CSH2: variants seen among roughly 807,000 people sequenced by gnomAD.
CSH2 encodes chorionic somatomammotropin hormone 2, also known as choriomammotropin.
Under a neutral mutation model 22.7 loss-of-function variants are expected in CSH2, and 10 were observed. The observed-to-expected ratio is 0.44, with a 90% CI of 0.27 to 0.75. The LOEUF is 0.75. Among genes scored for constraint, CSH2 ranks in the 30% least tolerant of loss-of-function variants. CSH2 has a pLI of 0.16. For synonymous variants in CSH2, 64 were observed against 115.0 expected (o/e 0.56, Z 2.84); for missense variants, 161 against 271.0 (o/e 0.59, Z 2.85).
In CSH2 at chr17:63,872,230, T is replaced by A. The variant is rs1905127272; in HGVS notation, c.550A>T (p.Lys184Ter). The change falls in exon 5 of 5, where the codon AAG (lysine) becomes TAG (stop). Residue 184 changes from lysine to a stop codon, truncating the protein, a stop_gained. Transcript: ENST00000392886. LOFTEE classifies it high-confidence loss of function. ...AAGCAGTAGAGCAGCCCGTAGTTCT[T>A]GAGCAGTGCGTCATGGTTGTGTGAG... ...TNSHNHDALL[K>*]NYGLLYCFRK... 1 of 1,614,052 alleles carries A rather than the reference T, an allele frequency of 6.2e-7. No individual in the cohort carries two copies. Among genetic ancestry groups the A allele is most frequent in the African/African-American group, 1.3e-5 (1 of 75,040 alleles).
intron 4 of CSH2, 127 bp from the exon 5 acceptor site, chr17:63,872,450 A>G (rs1197279698): frequency 6.2e-7 from 1 of 1,613,858 alleles, no homozygotes; most frequent in Admixed American, 1.7e-5. Flanking sequence ...ACCAGGCGAA[A>G]TGAAGAATAA....
At position 63,872,759 on chromosome 17, in the gene CSH2, G is replaced by T. The variant is rs770150919; in HGVS notation, c.292-18C>A. The T allele has an allele frequency of 6.6e-7, 1 of 1,513,296 alleles. No individual in the cohort carries two copies. Among genetic ancestry groups the T allele is most frequent in the Admixed American group, 2.1e-5 (1 of 48,314 alleles). 93.7% of individuals were successfully genotyped at this position (1,513,296 alleles called of 1,614,324 possible). A position where few individuals can be genotyped will look rare whatever the true frequency, so the allele number is the denominator to read the frequency against. ...TCTAGATTCTGCAGGGGAAGGACCGGCAGTGGCTGTGCTGCCCGGGAGCCC... is the reference window on the plus strand; with the variant it reads ...TCTAGATTCTGCAGGGGAAGGACCGTCAGTGGCTGTGCTGCCCGGGAGCCC... On this transcript the variant is annotated intron_variant, in intron 3 of 4. Coordinates refer to ENST00000392886, the MANE Select transcript of CSH2 (RefSeq NM_020991.4).
chr17:63,872,476 G>A, intron 4 of CSH2, 101 bp downstream of exon 4: 1 of 1,613,882 alleles, frequency 6.2e-7, no homozygotes, highest in Non-Finnish European at 8.5e-7. Flanking sequence ...GTTCTCTTGG[G>A]TCAGCGCCTG....
chr17:63,872,128 A>G lies in CSH2; in HGVS notation c.652T>C (p.Ter218GlnextTer?), dbSNP rs116889214. The change falls in exon 5 of 5, where the codon TAG (stop) becomes CAG (glutamine). Residue 218 changes from the stop codon to glutamine (Q), a stop_lost. Transcript: ENST00000392886. ...CRSVEGSCGF[*>Q] Reference sequence around the variant, plus strand: ...GTCACAGGATGCCACGCGGGCACCTAGAAGCCACAGCTACCCTCTACAGAG... The same window carrying G: ...GTCACAGGATGCCACGCGGGCACCTGGAAGCCACAGCTACCCTCTACAGAG... 6,859 of 1,614,102 alleles carry G rather than the reference A, an allele frequency of 4.2e-3. 70 individuals are homozygous for G. The highest frequency in any genetic ancestry group is 5.0e-3 in the Non-Finnish European group (5,856 of 1,179,940).
chr17:63,873,562 C>T, intron 1 of CSH2, 43 bp downstream of exon 1: 3 of 1,608,934 alleles, frequency 1.9e-6, no homozygotes, highest in Non-Finnish European at 2.5e-6. Context: ...CTGCCTCTCC[C>T]CTCAGGACAC....
chr17:63,872,383 T>C lies in CSH2; in HGVS notation c.457-60A>G. The C allele has an allele frequency of 4.3e-6, 7 of 1,613,874 alleles. No individual in the cohort carries two copies. In the Middle Eastern group the frequency reaches 1.2e-3, roughly 266 times the overall value. Reference sequence around the variant, plus strand: ...GCTTGGGCACTGTTCCCTCCCTCTCTCATTCATCCATTTTCCTCCCTCCCC... The same window carrying C: ...GCTTGGGCACTGTTCCCTCCCTCTCCCATTCATCCATTTTCCTCCCTCCCC... On this transcript the variant is annotated intron_variant, in intron 4 of 4. Transcript: ENST00000392886.
chr17:63,872,576 C>A lies in CSH2; in HGVS notation c.456+1G>T. 6.2e-7 allele frequency: 1 copy of A among 1,613,986 alleles called. No homozygotes were observed. Among genetic ancestry groups the A allele is most frequent in the Non-Finnish European group, 8.5e-7 (1 of 1,179,892 alleles). ...TTGGCGACCCCTGGCGCCACCCTCA[C>A]CCCCATCAGCGTTTGGATGCCTTCC... is the stretch of plus-strand genomic sequence containing the variant. On this transcript the variant is annotated splice_donor_variant, in intron 4 of 4. Transcript: ENST00000392886. LOFTEE classifies it high-confidence loss of function.
At chr17:63,872,554 G>A (rs997012379) in intron 4 of CSH2, 23 bp downstream of exon 4, 1 of 1,613,922 alleles carries the variant, frequency 6.2e-7, no homozygotes, top group African/African-American at 1.3e-5. Flanking sequence ...TCCAGGATTG[G>A]CGACCCCTGG....
intron 1 of CSH2, 30 bp downstream of exon 1, chr17:63,873,572 CGTT>C (rs745531297): frequency 1.2e-6 from 2 of 1,609,546 alleles, no homozygotes; most frequent in African/African-American, 1.3e-5. Flanking sequence ...CCTCAGGACA[CGTT>C]GTGCCCAAAG....
intron 1 of CSH2, 37 bp downstream of exon 1, chr17:63,873,568 G>C: frequency 2.5e-6 from 4 of 1,609,424 alleles, no homozygotes; most frequent in Non-Finnish European, 3.4e-6. Flanking sequence ...CTCCCCTCAG[G>C]ACACGTTGTG....
In CSH2 at chr17:63,873,460, G is replaced by T. The variant is rs1222725492; in HGVS notation, c.11-121C>A. The T allele has an allele frequency of 2.5e-6, 4 of 1,597,724 alleles. No individual in the cohort carries two copies. The East Asian group carries it at 9.1e-5, about 36-fold the overall frequency. ...TCCCTCCAGAGACCAGGAACATTCA[G>T]AGATTGGCCAAATATCTGGCCTTAG... On this transcript the variant is annotated intron_variant, in intron 1 of 4. Coordinates refer to ENST00000392886, the MANE Select transcript of CSH2 (RefSeq NM_020991.4).
rs1238758437 is a variant in CSH2, at chr17:63,872,276, G to T, written c.504C>A (p.Thr168=). ...GTGAGTTTGTGTCAAACTTGCTGTA[G>T]GTCTGCTTGAGGATCTGCCCAGTCC... ...SRRTGQILKQ[T]YSKFDTNSHN... The change falls in exon 5 of 5, where the codon ACC becomes ACA. Residue 168 remains threonine (T), a synonymous_variant. Coordinates refer to ENST00000392886, the MANE Select transcript of CSH2 (RefSeq NM_020991.4). 2 of 1,613,912 alleles carry T rather than the reference G, an allele frequency of 1.2e-6. No homozygotes were observed. Among genetic ancestry groups the T allele is most frequent in the East Asian group, 4.5e-5 (2 of 44,884 alleles).
At position 63,872,641 on chromosome 17, in the gene CSH2, G is replaced by A; in HGVS notation, c.392C>T (p.Thr131Ile). ...SMFANNLVYD[T>I]SDSDDYHLLK... Reference sequence around the variant, plus strand: ...GAGGTGATAGTCATCGCTGTCCGAGGTGTCATACACCAGGTTGTTGGCGAA... The same window carrying A: ...GAGGTGATAGTCATCGCTGTCCGAGATGTCATACACCAGGTTGTTGGCGAA... Residue 131 changes from threonine to isoleucine, a missense_variant, in exon 4 of 5, where the codon ACC becomes ATC. Thr to Ile is a moderately conservative substitution (Grantham distance 89). Coordinates refer to ENST00000392886, the MANE Select transcript of CSH2 (RefSeq NM_020991.4). 6.2e-7 allele frequency: 1 copy of A among 1,611,578 alleles called. No individual in the cohort carries two copies. Among genetic ancestry groups the A allele is most frequent in the Non-Finnish European group, 8.5e-7 (1 of 1,179,258 alleles).
intron 4 of CSH2, 65 bp from the exon 5 acceptor site, chr17:63,872,388 C>T (rs1058052): frequency 9.5e-5 from 154 of 1,612,792 alleles, no homozygotes; most frequent in African/African-American, 4.9e-4. Context: ...CTCTCTCATT[C>T]ATCCATTTTC....
Position 63,872,062 on chromosome 17 carries a change from T to G in CSH2, c.*64A>C. The G allele has an allele frequency of 3.7e-6, 6 of 1,612,184 alleles. No individual in the cohort carries two copies. The highest frequency in any genetic ancestry group is 4.2e-6 in the Non-Finnish European group (5 of 1,178,630). ...AGGACAAGGCTGATGGGCACTGGAG[T>G]GGCACCTTCCAGGGCCAGGAGAGGC... On this transcript the variant is annotated 3_prime_UTR_variant, in exon 5 of 5. Transcript: ENST00000392886.
In CSH2 at chr17:63,872,121, G is replaced by A. The variant is rs755010964; in HGVS notation, c.*5C>T. 6.2e-7 allele frequency: 1 copy of A among 1,614,036 alleles called. No individual in the cohort carries two copies. Among genetic ancestry groups the A allele is most frequent in the African/African-American group, 1.3e-5 (1 of 75,052 alleles). ...GGGGTCGGTCACAGGATGCCACGCG[G>A]GCACCTAGAAGCCACAGCTACCCTC... is the stretch of plus-strand genomic sequence containing the variant. On this transcript the variant is annotated 3_prime_UTR_variant, in exon 5 of 5. Transcript: ENST00000392886.
Position 63,872,507 on chromosome 17 carries a change from A to C in CSH2, c.456+70T>G, listed in dbSNP as rs547262649. ...GCCTGACTGCTACAAAGAGGGCAGC[A>C]GTGTTTCTCTCCCCCAGCCCTCTAA... is the stretch of plus-strand genomic sequence containing the variant. On this transcript the variant is annotated intron_variant, in intron 4 of 4. Transcript: ENST00000392886. 5.0e-6 allele frequency: 8 copies of C among 1,613,930 alleles called. No homozygotes were observed. In the South Asian group the frequency reaches 8.8e-5, roughly 18 times the overall value.
Position 63,872,075 on chromosome 17 carries a change from G to A in CSH2, c.*51C>T, listed in dbSNP as rs1905119528. The A allele has an allele frequency of 1.9e-6, 3 of 1,613,188 alleles. No homozygotes were observed. The highest frequency in any genetic ancestry group is 1.3e-5 in the African/African-American group (1 of 74,874). The stretch of plus-strand genomic sequence containing the variant: ...TGGGCACTGGAGTGGCACCTTCCAG[G>A]GCCAGGAGAGGCACTGGGGAGGGGT... On this transcript the variant is annotated 3_prime_UTR_variant, in exon 5 of 5. Coordinates refer to ENST00000392886, the MANE Select transcript of CSH2 (RefSeq NM_020991.4).
At chr17:63,872,494 C>T (rs373240475) in intron 4 of CSH2, 83 bp downstream of exon 4, 1 of 1,613,936 alleles carries the variant, frequency 6.2e-7, no homozygotes, top group African/African-American at 1.3e-5. Context: ...CTGACTGCTA[C>T]AAAGAGGGCA....
Sources: allele counts gnomAD v4.1 joint callset, GRCh38; gene constraint gnomAD v4.1.1; transcripts MANE v1.5; gene names NCBI Gene and HGNC (gene_info 2026-07-23, HGNC 2026-07-21).